Variants in SUMF1 observed in about 807,000 individuals in gnomAD.
SUMF1 encodes sulfatase modifying factor 1.
In SUMF1, 48 loss-of-function variants were observed where a neutral mutation model predicts 47.6. That is an observed-to-expected ratio of 1.01 (90% CI 0.80 to 1.28). SUMF1 has a LOEUF of 1.28. Among genes scored for constraint, SUMF1 ranks in the 50% most tolerant of loss-of-function variants. The pLI is 0.00. For missense variants in SUMF1, 571 were observed against 485.4 expected (o/e 1.18, Z -1.66); for synonymous variants, 230 against 192.1 (o/e 1.20, Z -1.63).
Position 4,086,215 on chromosome 3 carries a change from GAAA to G in SUMF1, c.1015-17473_1015-17471del, listed in dbSNP as rs140931896. Among the ~76,000 whole-genome samples the G allele has an allele frequency of 9.7e-3, 995 of 102,320 alleles. 19 individuals carry two copies. The highest frequency in any genetic ancestry group is 0.03 in the African/African-American group (927 of 30,570). The allele number at this position is 102,320 out of a possible 152,430, so 67.1% of individuals were successfully genotyped here. A position where few individuals can be genotyped will look rare whatever the true frequency, so the allele number is the denominator to read the frequency against. On this transcript the variant is annotated intron_variant and NMD_transcript_variant, in intron 8 of 12. Transcript: ENST00000448413. ...TGCAGTGTTTATACACTTAGAATCA[GAAA>G]AAAAAAAAAAACAGAATTATTGTCA...
At position 4,041,466 on chromosome 3, in the gene SUMF1, C is replaced by T. The variant is rs1040821286; in HGVS notation, c.1191+27103G>A. On this transcript the variant is annotated intron_variant and NMD_transcript_variant, in intron 9 of 12. Coordinates refer to the SUMF1 transcript ENST00000448413. ...AACTACTTTTGTAGACAATACCCTT[C>T]AGAGAGCTTCAGCACTGCAATCCTG... is the stretch of plus-strand genomic sequence containing the variant. Among the ~76,000 whole-genome samples the T allele has an allele frequency of 3.9e-5, 6 of 152,180 alleles. No homozygotes were observed. In the South Asian group the frequency reaches 6.2e-4, roughly 16 times the overall value.
At chr3:4,200,056 G>A (rs570745276) in intron 8 of SUMF1, among the ~76,000 whole-genome samples, 29 of 151,990 alleles carry the variant, frequency 1.9e-4, no homozygotes, top group African/African-American at 6.8e-4. Context: ...CCTAGCCCAA[G>A]GTCACAAATT....
chr3:4,448,012 C>T (rs1352119804), intron 3 of SUMF1, among the ~76,000 whole-genome samples: 1 of 151,692 alleles, frequency 6.6e-6, no homozygotes, highest in African/African-American at 2.4e-5. Context: ...TAATCAACAC[C>T]AGCCTCAACT....
At chr3:4,193,159 C>A (rs920270168) in intron 8 of SUMF1, among the ~76,000 whole-genome samples, 1 of 152,050 alleles carries the variant, frequency 6.6e-6, no homozygotes, top group Non-Finnish European at 1.5e-5. Flanking sequence ...AGCTACTAGG[C>A]ATATGTAGAT....
intron 3 of SUMF1, among the ~76,000 whole-genome samples, chr3:4,442,174 T>C (rs569408095): frequency 6.6e-6 from 1 of 152,192 alleles, no homozygotes; most frequent in East Asian, 1.9e-4. Flanking sequence ...GGAAGGAATT[T>C]TGCCCACTCC....
intron 8 of SUMF1, among the ~76,000 whole-genome samples, chr3:4,178,439 C>A (rs1274595283): frequency 6.6e-6 from 1 of 152,136 alleles, no homozygotes; most frequent in Non-Finnish European, 1.5e-5. Context: ...ATGACAAAAA[C>A]CACATGATTA....
intron 8 of SUMF1, among the ~76,000 whole-genome samples, chr3:4,288,232 A>G (rs747714168): frequency 6.6e-6 from 1 of 152,216 alleles, no homozygotes; most frequent in Non-Finnish European, 1.5e-5. Flanking sequence ...AATACATCTG[A>G]GCAGTAAGCA....
chr3:4,372,046 G>C (rs780151753), intron 8 of SUMF1, among the ~76,000 whole-genome samples: 2 of 152,098 alleles, frequency 1.3e-5, no homozygotes, highest in Non-Finnish European at 2.9e-5. Context: ...GGTGGCTCAT[G>C]TCTGTTATCT....
intron 8 of SUMF1, among the ~76,000 whole-genome samples, chr3:4,216,572 A>G (rs1007747366): frequency 3.9e-5 from 6 of 152,198 alleles, no homozygotes; most frequent in African/African-American, 7.2e-5. Context: ...GCTTCTGCAC[A>G]GCAAAAGAAA....
chr3:4,426,669 G>A (rs1412535530), intron 3 of SUMF1, among the ~76,000 whole-genome samples: 1 of 152,220 alleles, frequency 6.6e-6, no homozygotes, highest in Non-Finnish European at 1.5e-5. Context: ...GTGTTCAGGT[G>A]TGTTGTTTAC....
chr3:4,209,612 GA>G (rs1181949784), intron 8 of SUMF1, among the ~76,000 whole-genome samples: 1 of 151,374 alleles, frequency 6.6e-6, no homozygotes, highest in Non-Finnish European at 1.5e-5. Context: ...AGATCAAGAA[GA>G]AAAAAACAAC....
chr3:4,106,612 C>G lies in SUMF1; in HGVS notation c.1015-37867G>C, dbSNP rs116705715. On this transcript the variant is annotated intron_variant and NMD_transcript_variant, in intron 8 of 12. Coordinates refer to the SUMF1 transcript ENST00000448413. ...AGTAAAGTCACTAATAAAGAAATAA[C>G]GAGAAACTTGAAGGCAACAGGAAAA... Among the ~76,000 whole-genome samples, 478 of 152,068 alleles carry G rather than the reference C, an allele frequency of 3.1e-3. 10 individuals are homozygous for G. The highest frequency in any genetic ancestry group is 0.011 in the African/African-American group (467 of 41,484).
At chr3:4,286,877 G>A (rs192732452) in intron 8 of SUMF1, among the ~76,000 whole-genome samples, 39 of 152,228 alleles carry the variant, frequency 2.6e-4, no homozygotes, top group African/African-American at 8.9e-4. Context: ...TGCAATGGGT[G>A]TATCACTGCA....
At chr3:4,253,585 A>C (rs1384811603) in intron 8 of SUMF1, among the ~76,000 whole-genome samples, 2 of 151,600 alleles carry the variant, frequency 1.3e-5, no homozygotes, top group Admixed American at 6.6e-5. Context: ...ATGAGACTAT[A>C]TCCCACACCT....
chr3:4,325,334 T>C (rs1698919400), intron 8 of SUMF1, among the ~76,000 whole-genome samples: 1 of 151,328 alleles, frequency 6.6e-6, no homozygotes, highest in Non-Finnish European at 1.5e-5. Context: ...TAAGATGTCA[T>C]GAAGTCTCAT....
At chr3:4,085,066 C>T (rs1692643319) in intron 8 of SUMF1, among the ~76,000 whole-genome samples, 1 of 152,078 alleles carries the variant, frequency 6.6e-6, no homozygotes, top group Non-Finnish European at 1.5e-5. Context: ...TCCTATATTA[C>T]AGACTCAGAG....
intron 8 of SUMF1, among the ~76,000 whole-genome samples, chr3:4,163,689 C>A (rs746636720): frequency 4.7e-4 from 71 of 151,710 alleles, no homozygotes; most frequent in Non-Finnish European, 4.6e-4. Context: ...GTGAGTGGGG[C>A]AGAGTTAAAA....
rs137933580 is a variant in SUMF1 at position 4,082,262 on chromosome 3, G to A, written c.1015-13517C>T. 9.7e-3 allele frequency among the ~76,000 whole-genome samples: 1,472 copies of A among 152,132 alleles called. 36 individuals are homozygous for A. Among genetic ancestry groups the A allele is most frequent in the African/African-American group, 0.034 (1,411 of 41,444 alleles). On this transcript the variant is annotated intron_variant and NMD_transcript_variant, in intron 8 of 12. Transcript: ENST00000448413. ...GTGGGCAGATCGCTTGAGCTCAGGC[G>A]TTTGAGACCAGCCTAGGCCACACAG...
At position 4,302,300 on chromosome 3, in the gene SUMF1, G is replaced by C. The variant is rs191637050; in HGVS notation, c.1014+74030C>G. ...AAGATTGGTTGGATCTGGAAAGGCA[G>C]ACAACGAGAAGCGGGTGAGGGGTGG... On this transcript the variant is annotated intron_variant and NMD_transcript_variant, in intron 8 of 12. Coordinates refer to the SUMF1 transcript ENST00000448413. Among the ~76,000 whole-genome samples, 10 of 152,324 alleles carry C rather than the reference G, an allele frequency of 6.6e-5. No homozygotes were observed. In the East Asian group the frequency reaches 1.9e-3, roughly 29 times the overall value.
Sources: allele counts gnomAD v4.1 joint callset (sites outside exome capture counted in the v4.1 genomes callset), GRCh38; gene constraint gnomAD v4.1.1; transcripts MANE v1.5; gene names NCBI Gene and HGNC (gene_info 2026-07-23, HGNC 2026-07-21).